The following SH3RF3 variants were observed in gnomAD, a reference collection of about 807,000 sequenced individuals.
The protein encoded by SH3RF3 is E3 ubiquitin-protein ligase SH3RF3.
Under a neutral mutation model 66.3 loss-of-function variants are expected in SH3RF3, and 29 were observed. The ratio of observed to expected loss-of-function variants is 0.44; its 90% CI spans 0.33 to 0.60. The LOEUF is 0.60. Ranked by LOEUF, SH3RF3 falls within the 20% of genes least tolerant of loss-of-function variation. The pLI is 0.04. For synonymous variants in SH3RF3, 583 were observed against 532.0 expected (o/e 1.10, Z -1.32); for missense variants, 1,194 against 1,190.9 (o/e 1.00, Z -0.04).
At chr2:109,369,787 C>T (rs1380033257) in intron 2 of SH3RF3, among the ~76,000 whole-genome samples, 1 of 152,202 alleles carries the variant, frequency 6.6e-6, no homozygotes, top group Non-Finnish European at 1.5e-5. Context: ...CCAAACCCTA[C>T]GGCCCCCTCC....
intron 4 of SH3RF3, 81 bp downstream of exon 4, chr2:109,399,024 C>T (rs1559062325): frequency 7.1e-7 from 1 of 1,402,128 alleles, no homozygotes; most frequent in East Asian, 2.5e-5. Context: ...GTCCCCCGTT[C>T]CTCAACTAGC....
At chr2:109,440,509 G>T (rs528373456) in intron 7 of SH3RF3, among the ~76,000 whole-genome samples, 30 of 152,246 alleles carry the variant, frequency 2.0e-4, no homozygotes, top group Non-Finnish European at 4.3e-4. Context: ...GTATTTAAAA[G>T]ATTGAGCTAG....
intron 1 of SH3RF3, among the ~76,000 whole-genome samples, chr2:109,242,683 C>T (rs952894247): frequency 6.6e-6 from 1 of 152,178 alleles, no homozygotes; most frequent in Non-Finnish European, 1.5e-5. Flanking sequence ...CTTGGCCAGA[C>T]AGTCAGGACA....
At chr2:109,331,464 C>T (rs1453830180) in intron 1 of SH3RF3, among the ~76,000 whole-genome samples, 1 of 152,132 alleles carries the variant, frequency 6.6e-6, no homozygotes, top group Non-Finnish European at 1.5e-5. Flanking sequence ...GGAGCACTTT[C>T]TCCCAAAACC....
intron 8 of SH3RF3, among the ~76,000 whole-genome samples, chr2:109,475,550 T>TA (rs1678661331): frequency 1.3e-5 from 2 of 152,194 alleles, no homozygotes; most frequent in Admixed American, 1.3e-4. Context: ...GACAGGGACA[T>TA]ATGCCACAGA....
chr2:109,433,984 C>T (rs1219587481), intron 6 of SH3RF3, among the ~76,000 whole-genome samples: 1 of 152,172 alleles, frequency 6.6e-6, no homozygotes, highest in Non-Finnish European at 1.5e-5. Flanking sequence ...GTGACTTGCC[C>T]AGTGTGCGCA....
At chr2:109,266,122 T>A (rs1198316609) in intron 1 of SH3RF3, among the ~76,000 whole-genome samples, 1 of 150,600 alleles carries the variant, frequency 6.6e-6, no homozygotes, top group Non-Finnish European at 1.5e-5. Context: ...TGTATGTGTA[T>A]TCAGTGTGTT....
At chr2:109,265,366 C>G (rs1001367309) in intron 1 of SH3RF3, among the ~76,000 whole-genome samples, 5 of 152,202 alleles carry the variant, frequency 3.3e-5, no homozygotes, top group African/African-American at 1.2e-4. Context: ...TTGACCTTTC[C>G]TGTTATCCAT....
intron 1 of SH3RF3, among the ~76,000 whole-genome samples, chr2:109,269,662 C>T (rs1326633341): frequency 1.3e-5 from 2 of 151,982 alleles, no homozygotes; most frequent in African/African-American, 4.8e-5. Flanking sequence ...GTGCCTAGTC[C>T]CAGCTACTCA....
intron 1 of SH3RF3, among the ~76,000 whole-genome samples, chr2:109,194,555 C>A (rs368944736): frequency 1.1e-4 from 17 of 152,252 alleles, no homozygotes; most frequent in African/African-American, 4.1e-4. Context: ...GCGAGGAGCA[C>A]CCCCACTTTC....
chr2:109,211,894 C>T (rs562564481), intron 1 of SH3RF3, among the ~76,000 whole-genome samples: 3 of 152,310 alleles, frequency 2.0e-5, no homozygotes, highest in South Asian at 2.1e-4. Flanking sequence ...CCGCCCTCCT[C>T]GGCCTCCCAA....
At chr2:109,294,578 TAAAAA>T (rs1219847550) in intron 1 of SH3RF3, among the ~76,000 whole-genome samples, 2 of 124,912 alleles carry the variant, frequency 1.6e-5, no homozygotes, top group South Asian at 5.4e-4. Context: ...AAAAATTAAT[TAAAAA>T]AAAGGTAAAA....
rs539541241 is a variant in SH3RF3, at chr2:109,504,223, C to G, written c.*2552C>G. ...ATGAAACTAACCCTTATGTTTCATC[C>G]TGGCCCCATGATGTACACATCTTAG... On this transcript the variant is annotated 3_prime_UTR_variant, in exon 10 of 10. Coordinates refer to ENST00000309415, the MANE Select transcript of SH3RF3 (RefSeq NM_001099289.3). The G allele has an allele frequency of 4.6e-5, 7 of 152,368 alleles. No individual in the cohort carries two copies. The highest frequency in any genetic ancestry group is 8.8e-5 in the Non-Finnish European group (6 of 68,046). The allele number at this position is 152,368 out of a possible 1,614,324, so 9.4% of individuals were successfully genotyped here.
intron 1 of SH3RF3, among the ~76,000 whole-genome samples, chr2:109,248,467 C>T (rs191652892): frequency 1.1e-4 from 17 of 152,296 alleles, no homozygotes; most frequent in Admixed American, 1.1e-3. Context: ...TTTCTCACTG[C>T]ATCAAAGTCA....
At chr2:109,217,736 T>A (rs868287304) in intron 1 of SH3RF3, among the ~76,000 whole-genome samples, 1 of 152,150 alleles carries the variant, frequency 6.6e-6, no homozygotes, top group African/African-American at 2.4e-5. Context: ...TAACACCAAA[T>A]AACTATGGCC....
At chr2:109,436,636 G>A (rs546659048) in intron 6 of SH3RF3, among the ~76,000 whole-genome samples, 3 of 152,350 alleles carry the variant, frequency 2.0e-5, no homozygotes, top group East Asian at 3.9e-4. Context: ...AAAAGATTTC[G>A]TTCAGCTCAT....
At chr2:109,358,558 C>T (rs889568820) in intron 2 of SH3RF3, among the ~76,000 whole-genome samples, 2 of 152,238 alleles carry the variant, frequency 1.3e-5, no homozygotes, top group Non-Finnish European at 2.9e-5. Flanking sequence ...CTCATCAACA[C>T]ACTACACACT....
At chr2:109,379,346 C>T (rs1413931190) in intron 3 of SH3RF3, among the ~76,000 whole-genome samples, 1 of 152,232 alleles carries the variant, frequency 6.6e-6, no homozygotes, top group Non-Finnish European at 1.5e-5. Flanking sequence ...TGGAAAACGC[C>T]TTTAAAGTCA....
chr2:109,427,543 CAAG>C (rs1263053918), intron 5 of SH3RF3, among the ~76,000 whole-genome samples: 7 of 152,182 alleles, frequency 4.6e-5, no homozygotes, highest in Non-Finnish European at 8.8e-5. Flanking sequence ...GAATCTCTAA[CAAG>C]TTCCAGGTGA....
Sources: gnomAD v4.1 joint callset for allele counts (sites outside exome capture counted in the v4.1 genomes callset) on GRCh38, gnomAD v4.1.1 for gene constraint, MANE v1.5 for transcripts, NCBI Gene and HGNC (gene_info 2026-07-23, HGNC 2026-07-21) for gene names.